The following AKR1C3 variants were observed in gnomAD, a reference collection of about 807,000 sequenced individuals.
The protein encoded by AKR1C3 is aldo-keto reductase family 1 member C3.
AKR1C3 carries 48 observed loss-of-function variants against 43.6 expected under a neutral mutation model. The ratio of observed to expected loss-of-function variants is 1.10; its 90% CI spans 0.87 to 1.40. The LOEUF (loss-of-function observed/expected upper bound fraction) is 1.40, where lower values mean the gene tolerates loss of function less well. Ranked by LOEUF, AKR1C3 falls within the 40% of genes most tolerant of loss-of-function variation. The pLI is 0.00. For synonymous variants in AKR1C3, 162 were observed against 139.6 expected (o/e 1.16, Z -1.13); for missense variants, 482 against 391.2 (o/e 1.23, Z -1.96).
At chr10:5,062,592 T>G (rs782619514) in intron 1 of AKR1C3, among the ~76,000 whole-genome samples, 2 of 152,212 alleles carry the variant, frequency 1.3e-5, no homozygotes, top group Non-Finnish European at 2.9e-5. Flanking sequence ...TGCACTTTCT[T>G]ATTTTAACTA....
intron 1 of AKR1C3, among the ~76,000 whole-genome samples, chr10:5,063,301 G>T (rs1430401901): frequency 1.3e-5 from 2 of 152,042 alleles, no homozygotes; most frequent in Non-Finnish European, 2.9e-5. Context: ...AGTTACATTG[G>T]CATTGATTCA....
Position 5,107,559 on chromosome 10 carries a change from G to C in AKR1C3, c.*56G>C, listed in dbSNP as rs1028116640. On this transcript the variant is annotated 3_prime_UTR_variant, in exon 9 of 9. Transcript: ENST00000380554. ...AGCCCTGTGTGTGGATGGTGACGCAGAGGACGTCTCTATGCCGGTGACTGG... is the reference window on the plus strand; with the variant it reads ...AGCCCTGTGTGTGGATGGTGACGCACAGGACGTCTCTATGCCGGTGACTGG... 2.9e-6 allele frequency: 4 copies of C among 1,398,670 alleles called. No individual in the cohort carries two copies. Among genetic ancestry groups the C allele is most frequent in the Non-Finnish European group, 4.0e-6 (4 of 989,734 alleles). The allele number at this position is 1,398,670 out of a possible 1,614,324, so 86.6% of individuals were successfully genotyped here. A position where few individuals can be genotyped will look rare whatever the true frequency, so the allele number is the denominator to read the frequency against.
intron 1 of AKR1C3, among the ~76,000 whole-genome samples, chr10:5,063,779 A>AAAAAAAAAAAAAAAAAAAAAAAAAG (rs1838433349): frequency 1.4e-5 from 2 of 146,344 alleles, no homozygotes; most frequent in African/African-American, 2.5e-5. Flanking sequence ...AAAAAAAAAA[A>AAAAAAAAAAAAAAAAAAAAAAAAAG]AAAAAAAAAA....
intron 7 of AKR1C3, 187 bp from the exon 8 acceptor site, chr10:5,105,408 T>C: frequency 2.0e-6 from 1 of 501,502 alleles, no homozygotes; most frequent in South Asian, 2.9e-5. Context: ...ACATAATATC[T>C]AGGAATGGAT....
At chr10:5,048,995 C>A in intron 1 of AKR1C3, 1 of 901,950 alleles carries the variant, frequency 1.1e-6, no homozygotes. Context: ...TATTACTCTG[C>A]ATGACTCCAA....
At chr10:5,064,964 G>GT (rs1444928975) in intron 1 of AKR1C3, among the ~76,000 whole-genome samples, 3 of 149,372 alleles carry the variant, frequency 2.0e-5, no homozygotes, top group Non-Finnish European at 4.4e-5. Context: ...ATGAACAGAT[G>GT]TTTTTTAAAA....
intron 5 of AKR1C3, 143 bp from the exon 6 acceptor site, chr10:5,101,958 A>G: frequency 1.7e-6 from 1 of 571,786 alleles, no homozygotes; most frequent in Non-Finnish European, 3.1e-6. Flanking sequence ...ATTTCTATGA[A>G]AAAGGTTATT....
intron 1 of AKR1C3, among the ~76,000 whole-genome samples, chr10:5,071,502 C>G (rs1361077979): frequency 1.3e-5 from 2 of 152,174 alleles, no homozygotes; most frequent in Non-Finnish European, 2.9e-5. Context: ...CCACCCCACA[C>G]AGTGGCACGG....
At chr10:5,075,325 TAAG>T (rs1473984332) in intron 1 of AKR1C3, among the ~76,000 whole-genome samples, 2 of 152,098 alleles carry the variant, frequency 1.3e-5, no homozygotes, top group East Asian at 3.9e-4. Flanking sequence ...TTAGTGAACT[TAAG>T]AAGGTAGAGA....
chr10:5,056,648 C>T (rs1303758902), intron 1 of AKR1C3, among the ~76,000 whole-genome samples: 3 of 152,156 alleles, frequency 2.0e-5, no homozygotes, highest in Non-Finnish European at 4.4e-5. Context: ...ATTTTTCGCC[C>T]TTCCAAATTG....
chr10:5,102,778 G>C (rs1277112820), intron 7 of AKR1C3, 128 bp downstream of exon 7: 6 of 1,491,514 alleles, frequency 4.0e-6, no homozygotes, highest in Non-Finnish European at 5.4e-6. Context: ...AATGCTTTGC[G>C]TGCATCCTGA....
intron 1 of AKR1C3, among the ~76,000 whole-genome samples, chr10:5,067,227 T>C (rs1348359138): frequency 6.6e-6 from 1 of 152,210 alleles, no homozygotes; most frequent in Non-Finnish European, 1.5e-5. Flanking sequence ...TTTCCATTTC[T>C]ATTGTTCAGA....
chr10:5,101,799 T>C (rs1839357009), intron 5 of AKR1C3, among the ~76,000 whole-genome samples: 1 of 152,188 alleles, frequency 6.6e-6, no homozygotes, highest in African/African-American at 2.4e-5. Flanking sequence ...GCCCAAAGGC[T>C]CTAAGAATCT....
At chr10:5,050,876 A>G (rs909234429) in intron 1 of AKR1C3, among the ~76,000 whole-genome samples, 2 of 152,218 alleles carry the variant, frequency 1.3e-5, no homozygotes, top group Admixed American at 6.6e-5. Flanking sequence ...GTAATAAATA[A>G]AGTAATAAAA....
rs1564364889 is a variant in AKR1C3 at position 5,087,376 on chromosome 10, C to CTTTTTTTTTTT, written c.85-9031_85-9030insTTTTTTTTTTT. 1.3e-4 allele frequency among the ~76,000 whole-genome samples: 6 copies of CTTTTTTTTTTT among 45,366 alleles called. 2 individuals are homozygous for CTTTTTTTTTTT. The highest frequency in any genetic ancestry group is 3.1e-4 in the African/African-American group (4 of 12,878). 29.8% of individuals were successfully genotyped at this position (45,366 alleles called of 152,430 possible). A position where few individuals can be genotyped will look rare whatever the true frequency, so the allele number is the denominator to read the frequency against. On this transcript the variant is annotated intron_variant, in intron 1 of 8. Transcript: ENST00000439082. ...AGTTTTAATGTCACCTTTATCATTT[C>CTTTTTTTTTTT]TTTCTTTTTTTTTTTTTTTTGAGGC...
rs781903542 is a variant in AKR1C3, at chr10:5,096,586, T to C, written c.252+9T>C. Reference sequence around the variant, plus strand: ...TATTCTACACTTCAAAGGTACTGTGTCTATGATGAGCTTGTGTGCACATGT... The same window carrying C: ...TATTCTACACTTCAAAGGTACTGTGCCTATGATGAGCTTGTGTGCACATGT... On this transcript the variant is annotated intron_variant, in intron 2 of 8. Coordinates refer to ENST00000380554, the MANE Select transcript of AKR1C3 (RefSeq NM_003739.6). 5.6e-6 allele frequency: 9 copies of C among 1,611,572 alleles called. No homozygotes were observed. Among genetic ancestry groups the C allele is most frequent in the East Asian group, 2.2e-5 (1 of 44,870 alleles).
intron 1 of AKR1C3, among the ~76,000 whole-genome samples, chr10:5,066,319 A>C (rs1443303640): frequency 6.6e-6 from 1 of 152,176 alleles, no homozygotes; most frequent in Non-Finnish European, 1.5e-5. Flanking sequence ...ATTTCATTTC[A>C]GAAATTTCCC....
chr10:5,068,534 A>G (rs1838556931), intron 1 of AKR1C3, among the ~76,000 whole-genome samples: 1 of 150,390 alleles, frequency 6.6e-6, no homozygotes, highest in Admixed American at 6.6e-5. Context: ...AACACATTTT[A>G]CTATTCTTAC....
intron 1 of AKR1C3, chr10:5,077,883 A>ATC (rs1325478888): frequency 8.3e-6 from 5 of 599,678 alleles, no homozygotes; most frequent in Non-Finnish European, 1.4e-5. Context: ...TAAGATCAGA[A>ATC]TTCTTTGAAT....
Sources: gnomAD v4.1 joint callset for allele counts (sites outside exome capture counted in the v4.1 genomes callset) on GRCh38, gnomAD v4.1.1 for gene constraint, MANE v1.5 for transcripts, NCBI Gene and HGNC (gene_info 2026-07-23, HGNC 2026-07-21) for gene names.